NHSL1: variants seen among roughly 807,000 people sequenced by gnomAD.
NHSL1 encodes NHS-like protein 1.
Under a neutral mutation model 95.0 loss-of-function variants are expected in NHSL1, and 48 were observed. The observed-to-expected ratio is 0.51, with a 90% confidence interval of 0.40 to 0.64. The LOEUF is 0.64. Ranked by LOEUF, NHSL1 falls within the 30% of genes least tolerant of loss-of-function variation. The probability of loss-of-function intolerance (pLI) is 0.00; values close to 1 mark genes in which losing one functional copy is unlikely to be tolerated. For synonymous variants in NHSL1, 783 were observed against 833.9 expected, an observed-to-expected ratio of 0.94 and a Z score of 1.05; for missense variants, 1,971 against 2,077.7, an observed-to-expected ratio of 0.95 and a Z score of 1.00.
intron 5 of NHSL1, among the ~76,000 whole-genome samples, chr6:138,440,771 T>C (rs1776477192): frequency 6.6e-6 from 1 of 152,234 alleles, no homozygotes; most frequent in Admixed American, 6.5e-5. Context: ...GAAGGTGACA[T>C]ACAACCTCAA....
At chr6:138,426,166 TAATAG>T (rs1190037059) in intron 7 of NHSL1, among the ~76,000 whole-genome samples, 1 of 152,196 alleles carries the variant, frequency 6.6e-6, no homozygotes, top group Non-Finnish European at 1.5e-5. Flanking sequence ...TCAACACAGT[TAATAG>T]AATAAAGACG....
chr6:138,544,481 T>TCC (rs1418018133), intron 1 of NHSL1, among the ~76,000 whole-genome samples: 1 of 151,982 alleles, frequency 6.6e-6, no homozygotes, highest in Admixed American at 6.6e-5. Flanking sequence ...TAAAGGAATA[T>TCC]CCCAAACACC....
chr6:138,686,496 A>G (rs934835650), intron 1 of NHSL1, among the ~76,000 whole-genome samples: 3 of 152,246 alleles, frequency 2.0e-5, no homozygotes, highest in African/African-American at 7.2e-5. Context: ...AAATAATAAT[A>G]AAATAAAATA....
At chr6:138,559,007 C>G (rs574352354) in intron 1 of NHSL1, among the ~76,000 whole-genome samples, 1 of 152,124 alleles carries the variant, frequency 6.6e-6, no homozygotes, top group Admixed American at 6.5e-5. Flanking sequence ...TATGAGTGCA[C>G]CACTGCACTC....
intron 4 of NHSL1, among the ~76,000 whole-genome samples, chr6:138,442,709 T>C (rs1776608567): frequency 1.3e-5 from 2 of 152,218 alleles, no homozygotes; most frequent in East Asian, 1.9e-4. Flanking sequence ...TTTACCACAA[T>C]GAGACCCAGT....
chr6:138,634,486 G>GT (rs1349984814), intron 1 of NHSL1, among the ~76,000 whole-genome samples: 1 of 152,078 alleles, frequency 6.6e-6, no homozygotes, highest in African/African-American at 2.4e-5. Flanking sequence ...AATGATAAAG[G>GT]TGTCAATTCA....
In NHSL1 at chr6:138,430,563, G is replaced by A. The variant is rs147154589; in HGVS notation, c.3782C>T (p.Ser1261Leu). The change falls in exon 6 of 8, where the codon TCG becomes TTG. Residue 1261 changes from serine (S) to leucine (L), a missense_variant. By Grantham distance (145) the Ser-to-Leu change is moderately radical (BLOSUM62 -2). Coordinates refer to ENST00000343505, the MANE Select transcript of NHSL1 (RefSeq NM_001144060.2). The surrounding 1 kb of genome is among the most constrained non-coding windows in gnomAD (Gnocchi z 4.7). ...TCCTGCAGCTCCTCCCTCAAGAACC[G>A]AGGTGCCAGGGTGCGTGGCATGAGA... ...AGSHATHPGT[S>L]VLEGGAAGSM... 7 of 1,550,860 alleles carry A rather than the reference G, an allele frequency of 4.5e-6. No homozygotes were observed. Among genetic ancestry groups the A allele is most frequent in the African/African-American group, 4.1e-5 (3 of 73,148 alleles).
chr6:138,537,202 G>A (rs1260941339), intron 1 of NHSL1, among the ~76,000 whole-genome samples: 2 of 152,214 alleles, frequency 1.3e-5, no homozygotes, highest in Admixed American at 6.5e-5. Flanking sequence ...AAAAGGAAAG[G>A]TTTTGTCTCA....
chr6:138,665,352 G>A (rs1038321890), intron 1 of NHSL1, among the ~76,000 whole-genome samples: 1 of 152,144 alleles, frequency 6.6e-6, no homozygotes, highest in Non-Finnish European at 1.5e-5. Flanking sequence ...AATATCCCCT[G>A]GAAGCTTAAC....
At position 138,533,723 on chromosome 6, in the gene NHSL1, TTAGA is replaced by T. The variant is rs140596187; in HGVS notation, c.16+11896_16+11899del. ...GAAAACCCAAGAGCCAGGAAAGTGC[TTAGA>T]TAAAGGGTGTGTTTTTCCTTGGTGA... On this transcript the variant is annotated intron_variant, in intron 1 of 4. Transcript: ENST00000342260. Among the ~76,000 whole-genome samples, 884 of 152,332 alleles carry T rather than the reference TTAGA, an allele frequency of 5.8e-3. 22 individuals are homozygous for T. The highest frequency in any genetic ancestry group is 0.048 in the Admixed American group (736 of 15,302).
chr6:138,475,674 G>A (rs1215174123), intron 2 of NHSL1, among the ~76,000 whole-genome samples: 1 of 152,136 alleles, frequency 6.6e-6, no homozygotes, highest in Non-Finnish European at 1.5e-5. Flanking sequence ...GGCCGGGCAT[G>A]GTGGCTCACA....
chr6:138,540,974 A>G (rs912959230), intron 1 of NHSL1, among the ~76,000 whole-genome samples: 36 of 152,356 alleles, frequency 2.4e-4, no homozygotes, highest in African/African-American at 8.2e-4. Flanking sequence ...GGTAAAATCC[A>G]TTAGTAAATT....
At chr6:138,659,382 C>T (rs1165754187) in intron 1 of NHSL1, among the ~76,000 whole-genome samples, 1 of 152,002 alleles carries the variant, frequency 6.6e-6, no homozygotes, top group Non-Finnish European at 1.5e-5. Context: ...GTAAAAATCA[C>T]CCTCACGCTC....
At chr6:138,460,636 G>T (rs1777932802) in intron 3 of NHSL1, among the ~76,000 whole-genome samples, 1 of 151,714 alleles carries the variant, frequency 6.6e-6, no homozygotes, top group South Asian at 2.1e-4. Context: ...AGGGACTTGA[G>T]CATCCATAGA....
intron 1 of NHSL1, among the ~76,000 whole-genome samples, chr6:138,682,192 A>G (rs1224367719): frequency 6.6e-6 from 1 of 152,116 alleles, no homozygotes; most frequent in African/African-American, 2.4e-5. Flanking sequence ...CAGGCTGGTA[A>G]CTGCTTTTCT....
At chr6:138,657,908 AAATAT>A (rs1408177004) in intron 1 of NHSL1, among the ~76,000 whole-genome samples, 8 of 150,730 alleles carry the variant, frequency 5.3e-5, no homozygotes, top group Non-Finnish European at 8.9e-5. Context: ...AGATATAATT[AAATAT>A]AAGATTTAAT....
chr6:138,537,818 C>G (rs571760394), intron 1 of NHSL1, among the ~76,000 whole-genome samples: 1 of 152,072 alleles, frequency 6.6e-6, no homozygotes, highest in Non-Finnish European at 1.5e-5. Flanking sequence ...GAGAAAGAAC[C>G]GCCAAAAGCT....
chr6:138,537,275 G>C (rs1477637439), intron 1 of NHSL1, among the ~76,000 whole-genome samples: 1 of 152,160 alleles, frequency 6.6e-6, no homozygotes, highest in African/African-American at 2.4e-5. Flanking sequence ...ACTCTCACTG[G>C]CTTACATAGC....
At chr6:138,514,895 C>T (rs1415181970) in intron 1 of NHSL1, among the ~76,000 whole-genome samples, 2 of 152,252 alleles carry the variant, frequency 1.3e-5, no homozygotes, top group African/African-American at 4.8e-5. Flanking sequence ...GGCATTCCAG[C>T]CTGGGCGACA....
Sources: allele counts gnomAD v4.1 joint callset (sites outside exome capture counted in the v4.1 genomes callset), GRCh38; gene constraint gnomAD v4.1.1; non-coding constraint Gnocchi (gnomAD v3.1); transcripts MANE v1.5; gene names NCBI Gene and HGNC (gene_info 2026-07-23, HGNC 2026-07-21).